Variants in NGLY1 observed in about 807,000 individuals in gnomAD.
NGLY1 encodes the protein peptide-N(4)-(N-acetyl-beta-glucosaminyl)asparagine amidase.
NGLY1 carries 68 observed loss-of-function variants against 84.6 expected under a neutral mutation model. The ratio of observed to expected loss-of-function variants is 0.80; its 90% confidence interval spans 0.66 to 0.98. The LOEUF (loss-of-function observed/expected upper bound fraction) is 0.98, where lower values mean the gene tolerates loss of function less well. Ranked by LOEUF, NGLY1 falls within the 50% of genes least tolerant of loss-of-function variation. The pLI is 0.00. For missense variants in NGLY1, 779 were observed against 770.2 expected (o/e 1.01, Z -0.14); for synonymous variants, 280 against 275.2 (o/e 1.02, Z -0.17).
chr3:25,751,386 A>G, intron 3 of NGLY1, 123 bp from the exon 4 acceptor site: 1 of 761,200 alleles, frequency 1.3e-6, no homozygotes, highest in African/African-American at 1.8e-5. Context: ...TCACTTAAAT[A>G]TAATAATTAT....
At chr3:25,773,089 C>T (rs1707976952) in intron 2 of NGLY1, among the ~76,000 whole-genome samples, 1 of 152,134 alleles carries the variant, frequency 6.6e-6, no homozygotes, top group Non-Finnish European at 1.5e-5. Context: ...CTTTAGATAA[C>T]CTGAGGACTA....
At position 25,728,659 on chromosome 3, in the gene NGLY1, C is replaced by T. The variant is rs141413533; in HGVS notation, c.1611+474G>A. The stretch of plus-strand genomic sequence containing the variant: ...ATAACCAATATTGCTGCTCAATCAT[C>T]CACATTCTTTGAAGTGAATGCCTGT... On this transcript the variant is annotated intron_variant, in intron 10 of 11. Transcript: ENST00000280700. Among the ~76,000 whole-genome samples the T allele has an allele frequency of 1.9e-3, 288 of 152,142 alleles. 2 individuals are homozygous for T. Among genetic ancestry groups the T allele is most frequent in the Admixed American group, 5.4e-3 (83 of 15,266 alleles).
chr3:25,748,273 G>A (rs1034142237), intron 4 of NGLY1, among the ~76,000 whole-genome samples: 2 of 151,994 alleles, frequency 1.3e-5, no homozygotes, highest in African/African-American at 4.8e-5. Flanking sequence ...CACACCAATA[G>A]GGCTCCAGTA....
At chr3:25,725,603 T>C (rs1705211634) in intron 10 of NGLY1, among the ~76,000 whole-genome samples, 1 of 152,164 alleles carries the variant, frequency 6.6e-6, no homozygotes, top group Non-Finnish European at 1.5e-5. Flanking sequence ...TCTAATGTTA[T>C]CTCCAGGAAG....
intron 2 of NGLY1, among the ~76,000 whole-genome samples, chr3:25,765,603 A>G (rs1211995372): frequency 6.6e-6 from 1 of 152,210 alleles, no homozygotes; most frequent in Admixed American, 6.5e-5. Context: ...GACATTACTC[A>G]ATGACATGAA....
intron 10 of NGLY1, among the ~76,000 whole-genome samples, chr3:25,725,570 G>C (rs1403157620): frequency 6.6e-6 from 1 of 152,094 alleles, no homozygotes; most frequent in South Asian, 2.1e-4. Context: ...GAGTCTTGGG[G>C]ACTAAACCCT....
chr3:25,769,943 T>C (rs976915706), intron 2 of NGLY1, among the ~76,000 whole-genome samples: 15 of 152,154 alleles, frequency 9.9e-5, no homozygotes, highest in Admixed American at 2.6e-4. Context: ...CTTCCCACTT[T>C]TCCCCTCTCC....
intron 4 of NGLY1, among the ~76,000 whole-genome samples, chr3:25,748,348 T>A (rs184134951): frequency 6.6e-6 from 1 of 152,266 alleles, no homozygotes; most frequent in East Asian, 1.9e-4. Flanking sequence ...AATGAGGAGT[T>A]CTTAGGGAAG....
At chr3:25,758,780 G>C (rs967040152) in intron 3 of NGLY1, among the ~76,000 whole-genome samples, 6 of 152,074 alleles carry the variant, frequency 3.9e-5, no homozygotes, top group African/African-American at 1.4e-4. Flanking sequence ...AGATCCACTA[G>C]AAACGTATAT....
At chr3:25,773,440 A>G (rs1448151661) in intron 2 of NGLY1, among the ~76,000 whole-genome samples, 1 of 152,066 alleles carries the variant, frequency 6.6e-6, no homozygotes, top group Non-Finnish European at 1.5e-5. Flanking sequence ...TGCATTCTGC[A>G]TTTCCCTAGG....
upstream of NGLY1, among the ~76,000 whole-genome samples, chr3:25,784,458 T>G (rs535901259): frequency 1.4e-4 from 22 of 152,334 alleles, no homozygotes; most frequent in Admixed American, 1.3e-3. Flanking sequence ...AGGTCTTTTA[T>G]TCCTCTTAGA....
At chr3:25,721,032 T>C (rs1346827244) in intron 10 of NGLY1, among the ~76,000 whole-genome samples, 2 of 152,232 alleles carry the variant, frequency 1.3e-5, no homozygotes, top group African/African-American at 4.8e-5. Context: ...ACTTTACACT[T>C]ATCTTAATGC....
chr3:25,732,249 T>G, intron 9 of NGLY1, 70 bp downstream of exon 9: 2 of 1,373,114 alleles, frequency 1.5e-6, no homozygotes, highest in Non-Finnish European at 2.0e-6. Flanking sequence ...AGTTGGAGGA[T>G]AGTATAGGAA....
intron 7 of NGLY1, chr3:25,735,775 G>T (rs1261414210): frequency 8.2e-6 from 3 of 366,386 alleles, no homozygotes; most frequent in Non-Finnish European, 4.9e-6. Flanking sequence ...GAAAAAAACT[G>T]GGAACTACCC....
chr3:25,729,429 A>T (rs950843913), intron 9 of NGLY1, 111 bp from the exon 10 acceptor site: 10 of 557,028 alleles, frequency 1.8e-5, no homozygotes. Context: ...GAAAAGAAAA[A>T]ATTAGTGCCA....
chr3:25,734,771 G>T, intron 7 of NGLY1: 1 of 928,644 alleles, frequency 1.1e-6, no homozygotes, highest in Non-Finnish European at 1.3e-6. Flanking sequence ...AAGAGAATAC[G>T]TCACTTATTC....
Position 25,783,376 on chromosome 3 carries a change from T to A in NGLY1, c.15A>T (p.Ala5=). MAAA[A]LGSSSGSASP... ...ACGCCGAGCCTGAGGAGCTGCCCAA[T>A]GCCGCCGCCGCCATGCTTGAGCGCC... Residue 5 remains alanine (A), a synonymous_variant, in exon 1 of 12, where the codon GCA becomes GCT. Transcript: ENST00000280700. This position sits in a 1 kb window ranked among gnomAD's most constrained non-coding sequence, Gnocchi z 4.5. The A allele has an allele frequency of 6.5e-7, 1 of 1,543,752 alleles. No individual in the cohort carries two copies. Among genetic ancestry groups the A allele is most frequent in the Non-Finnish European group, 8.7e-7 (1 of 1,145,800 alleles).
rs1003331600 is a variant in NGLY1, at chr3:25,719,023, T to G, written c.*437A>C. 6.6e-5 allele frequency: 10 copies of G among 152,464 alleles called. No homozygotes were observed. The highest frequency in any genetic ancestry group is 1.9e-4 in the African/African-American group (8 of 41,474). The allele number at this position is 152,464 out of a possible 1,614,324, so 9.4% of individuals were successfully genotyped here. Reference sequence around the variant, plus strand: ...AAATTTTCATGCATTATATAATTTATGAGCTACTGTACTTTCACATTAATT... The same window carrying G: ...AAATTTTCATGCATTATATAATTTAGGAGCTACTGTACTTTCACATTAATT... On this transcript the variant is annotated 3_prime_UTR_variant, in exon 12 of 12. Coordinates refer to ENST00000280700, the MANE Select transcript of NGLY1 (RefSeq NM_018297.4).
intron 2 of NGLY1, among the ~76,000 whole-genome samples, chr3:25,765,230 T>C (rs1707502525): frequency 6.6e-6 from 1 of 151,754 alleles, no homozygotes; most frequent in African/African-American, 2.4e-5. Flanking sequence ...GAGGCTCACA[T>C]GGGCAGATTA....
Sources: gnomAD v4.1 joint callset for allele counts (sites outside exome capture counted in the v4.1 genomes callset) on GRCh38, gnomAD v4.1.1 for gene constraint, Gnocchi (gnomAD v3.1) non-coding constraint, MANE v1.5 for transcripts, NCBI Gene and HGNC (gene_info 2026-07-23, HGNC 2026-07-21) for gene names.